The following ATP6V0A2 variants were observed in gnomAD, a reference collection of about 807,000 sequenced individuals.
The protein encoded by ATP6V0A2 is ATPase H+ transporting V0 subunit a2.
In ATP6V0A2, 58 loss-of-function variants were observed where a neutral mutation model predicts 104.4. The ratio of observed to expected loss-of-function variants is 0.56; its 90% confidence interval spans 0.45 to 0.69. ATP6V0A2 has a LOEUF of 0.69. Among genes scored for constraint, ATP6V0A2 ranks in the 30% least tolerant of loss-of-function variants. The pLI is 0.00. For synonymous variants in ATP6V0A2, 376 were observed against 397.9 expected, an observed-to-expected ratio of 0.95 and a Z score of 0.65; for missense variants, 938 against 1,062.9, an observed-to-expected ratio of 0.88 and a Z score of 1.63.
chr12:123,751,751 G>T (rs1052922395), intron 16 of ATP6V0A2, among the ~76,000 whole-genome samples: 1 of 152,106 alleles, frequency 6.6e-6, no homozygotes, highest in Admixed American at 6.5e-5. Context: ...CTTATTAGGG[G>T]TTTAACTCAG....
At chr12:123,750,170 A>C (rs1402453554) in intron 15 of ATP6V0A2, 1 of 152,202 alleles carries the variant, frequency 6.6e-6, no homozygotes, top group Non-Finnish European at 1.5e-5. Context: ...TTTCTTTACT[A>C]CCTGCCGCAT....
chr12:123,725,758 C>A (rs1024807639), intron 4 of ATP6V0A2, among the ~76,000 whole-genome samples: 11 of 150,866 alleles, frequency 7.3e-5, no homozygotes, highest in African/African-American at 2.7e-4. Flanking sequence ...TGCACTCCAG[C>A]CTGGGCGACA....
At chr12:123,713,488 C>A (rs530069268) in intron 1 of ATP6V0A2, among the ~76,000 whole-genome samples, 17 of 152,206 alleles carry the variant, frequency 1.1e-4, no homozygotes, top group Admixed American at 2.6e-4. Context: ...TAACGCAGTC[C>A]TTGGCAGTCA....
chr12:123,721,459 ATCT>A (rs1055125339), intron 2 of ATP6V0A2: 1 of 155,786 alleles, frequency 6.4e-6, no homozygotes, highest in African/African-American at 2.4e-5. Flanking sequence ...CCTCTTGGCA[ATCT>A]TCTTGCCCAT....
chr12:123,755,015 A>C (rs1956749834), intron 18 of ATP6V0A2, among the ~76,000 whole-genome samples: 1 of 152,182 alleles, frequency 6.6e-6, no homozygotes, highest in South Asian at 2.1e-4. Context: ...TAATGCACAC[A>C]TGTTAGTTTC....
At chr12:123,757,488 A>G (rs1956776062) in intron 19 of ATP6V0A2, among the ~76,000 whole-genome samples, 1 of 152,218 alleles carries the variant, frequency 6.6e-6, no homozygotes, top group African/African-American at 2.4e-5. Flanking sequence ...CTGACAAGTA[A>G]AAGTAAGTTT....
chr12:123,751,045 G>C, intron 15 of ATP6V0A2, 65 bp from the exon 16 acceptor site: 1 of 1,605,636 alleles, frequency 6.2e-7, no homozygotes, highest in South Asian at 1.1e-5. Context: ...ATTTCATCGT[G>C]TGCTGCTGAC....
rs71308012 is a variant in ATP6V0A2, at chr12:123,729,322, G to GTTTTTTTTTTTTTTTTTTT, written c.648+1424_648+1425insTTTTTTTTTTTTTTTTTTT. 1.5e-3 allele frequency among the ~76,000 whole-genome samples: 171 copies of GTTTTTTTTTTTTTTTTTTT among 113,824 alleles called. 12 individuals are homozygous for GTTTTTTTTTTTTTTTTTTT. The highest frequency in any genetic ancestry group is 2.3e-3 in the African/African-American group (69 of 29,738). The allele number at this position is 113,824 out of a possible 152,430, so 74.7% of individuals were successfully genotyped here. ...AATCAACTGTTTCTTCAAGGAGGCT[G>GTTTTTTTTTTTTTTTTTTT]TTTTTTTTTTTGAGTGCAAATCTTG... On this transcript the variant is annotated intron_variant, in intron 6 of 19. Coordinates refer to ENST00000330342, the MANE Select transcript of ATP6V0A2 (RefSeq NM_012463.4).
chr12:123,744,475 G>T lies in ATP6V0A2; in HGVS notation c.1327-122G>T, dbSNP rs1956640067. The T allele has an allele frequency of 6.4e-7, 1 of 1,555,790 alleles. No homozygotes were observed. On this transcript the variant is annotated intron_variant, in intron 11 of 19. Transcript: ENST00000330342. The surrounding 1 kb of genome is among the most constrained non-coding windows in gnomAD (Gnocchi z 5.4). ...TGTGGCCTGTCAGCTGCGGCTGACA[G>T]GGATGTCTGCGGGGCGAGGCTGTTT...
At chr12:123,742,013 T>C (rs1049722451) in intron 9 of ATP6V0A2, among the ~76,000 whole-genome samples, 5 of 152,342 alleles carry the variant, frequency 3.3e-5, no homozygotes, top group African/African-American at 1.2e-4. Context: ...TTCTCTTTCG[T>C]TCCTGTCCTG....
At position 123,744,793 on chromosome 12, in the gene ATP6V0A2, C is replaced by G. The variant is rs915999353; in HGVS notation, c.1514+9C>G. On this transcript the variant is annotated intron_variant, in intron 12 of 19. Transcript: ENST00000330342. This position sits in a 1 kb window ranked among gnomAD's most constrained non-coding sequence, Gnocchi z 5.4. Reference sequence around the variant, plus strand: ...AAGATGGTGCTTTGGAAGTAAGTGTCCCATAGCTGGTGATGCTCTGGGTGG... The same window carrying G: ...AAGATGGTGCTTTGGAAGTAAGTGTGCCATAGCTGGTGATGCTCTGGGTGG... 41 of 1,614,050 alleles carry G rather than the reference C, an allele frequency of 2.5e-5. 1 individual carries two copies. Among genetic ancestry groups the G allele is most frequent in the Non-Finnish European group, 3.5e-5 (41 of 1,180,032 alleles).
chr12:123,729,913 C>T (rs1956484687), intron 6 of ATP6V0A2, among the ~76,000 whole-genome samples: 4 of 151,914 alleles, frequency 2.6e-5, no homozygotes, highest in Admixed American at 2.6e-4. Flanking sequence ...CTCCAGGGTT[C>T]AAGCAATTCT....
chr12:123,724,550 A>T (rs1365236461), intron 3 of ATP6V0A2, 104 bp from the exon 4 acceptor site: 1 of 1,314,336 alleles, frequency 7.6e-7, no homozygotes, highest in Non-Finnish European at 1.1e-6. Flanking sequence ...AAAGAAAAAA[A>T]CAAAACAAAA....
intron 2 of ATP6V0A2, among the ~76,000 whole-genome samples, chr12:123,720,246 T>C (rs1956386195): frequency 6.6e-6 from 1 of 152,196 alleles, no homozygotes; most frequent in Non-Finnish European, 1.5e-5. Flanking sequence ...CCTAGTTATT[T>C]GTGTGGTTCA....
intron 9 of ATP6V0A2, among the ~76,000 whole-genome samples, chr12:123,743,382 C>T (rs886306547): frequency 1.3e-5 from 2 of 152,114 alleles, no homozygotes; most frequent in East Asian, 1.9e-4. Flanking sequence ...AGGCTGGGCA[C>T]GGTGCTCACA....
chr12:123,724,619 T>G (rs763207672), intron 3 of ATP6V0A2, 35 bp from the exon 4 acceptor site: 5 of 1,610,914 alleles, frequency 3.1e-6, no homozygotes, highest in Middle Eastern at 1.7e-4. Flanking sequence ...TGGAACTAAT[T>G]ACTACCCTCT....
At chr12:123,729,543 T>C (rs1956481095) in intron 6 of ATP6V0A2, among the ~76,000 whole-genome samples, 1 of 151,968 alleles carries the variant, frequency 6.6e-6, no homozygotes, top group African/African-American at 2.4e-5. Context: ...GGCCGAATGG[T>C]TCAGAAGGGA....
At chr12:123,748,427 T>A in intron 14 of ATP6V0A2, 148 bp from the exon 15 acceptor site, 2 of 734,464 alleles carry the variant, frequency 2.7e-6, no homozygotes, top group Non-Finnish European at 4.8e-6. Flanking sequence ...TAGATGTATC[T>A]GGACACTCAG....
rs144293398 is a variant in ATP6V0A2 at position 123,735,543 on chromosome 12, C to T, written c.744C>T (p.His248=). ...TCTTGTCTTCCAGCTACCACTGCCA[C>T]GTGTACCCCTATCCAAACACAGCCG... The part of the protein sequence containing the change: ...VKKICDCYHC[H]VYPYPNTAEE... The change falls in exon 8 of 20, where the codon CAC becomes CAT. Residue 248 remains histidine, a synonymous_variant. Transcript: ENST00000330342. 2.9e-5 allele frequency: 46 copies of T among 1,613,832 alleles called. No homozygotes were observed. Among genetic ancestry groups the T allele is most frequent in the South Asian group, 2.7e-4 (25 of 91,070 alleles).
Sources: gnomAD v4.1 joint callset for allele counts (sites outside exome capture counted in the v4.1 genomes callset) on GRCh38, gnomAD v4.1.1 for gene constraint, Gnocchi (gnomAD v3.1) non-coding constraint, MANE v1.5 for transcripts, NCBI Gene and HGNC (gene_info 2026-07-23, HGNC 2026-07-21) for gene names.